Variants in HDHD2 observed in about 807,000 individuals in gnomAD.
The protein encoded by HDHD2 is haloacid dehalogenase like hydrolase domain containing 2.
In HDHD2, 26 loss-of-function variants were observed where a neutral mutation model predicts 24.8. The ratio of observed to expected loss-of-function variants is 1.05; its 90% CI spans 0.77 to 1.45. HDHD2 has a LOEUF of 1.45. Among genes scored for constraint, HDHD2 ranks in the 40% most tolerant of loss-of-function variants. HDHD2 has a pLI of 0.00. For missense variants in HDHD2, 299 were observed against 313.4 expected (o/e 0.95, Z 0.35); for synonymous variants, 128 against 114.9 (o/e 1.11, Z -0.73).
chr18:47,112,051 A>G (rs1256476908), intron 6 of HDHD2, among the ~76,000 whole-genome samples: 14 of 152,212 alleles, frequency 9.2e-5, no homozygotes, highest in Non-Finnish European at 2.9e-5. Context: ...TCTGGCTGTC[A>G]TGTGCTGTTA....
At position 47,115,216 on chromosome 18, in the gene HDHD2, G is replaced by A. The variant is rs757528031; in HGVS notation, c.528C>T (p.Val176=). 8.1e-6 allele frequency: 13 copies of A among 1,613,928 alleles called. No individual in the cohort carries two copies. The highest frequency in any genetic ancestry group is 5.0e-5 in the Admixed American group (3 of 60,018). The change falls in exon 5 of 7, where the codon GTC becomes GTT. Residue 176 remains valine, a synonymous_variant. Transcript: ENST00000300605. ...LEYATDTKAT[V]VGKPEKTFFL... ...AGAACGTCTTCTCTGGTTTCCCCAC[G>A]ACTGTGGCTTTGGTATCTGTGGCAT...
At chr18:47,121,828 A>G (rs928807844) in intron 4 of HDHD2, among the ~76,000 whole-genome samples, 1 of 152,086 alleles carries the variant, frequency 6.6e-6, no homozygotes, top group Non-Finnish European at 1.5e-5. Flanking sequence ...TTCAGCCCCC[A>G]TATGGTGCCC....
intron 4 of HDHD2, among the ~76,000 whole-genome samples, chr18:47,124,726 A>C (rs1398284899): frequency 6.6e-6 from 1 of 151,396 alleles, no homozygotes. Context: ...AAAAAAAAAA[A>C]AACAACTTTG....
intron 1 of HDHD2, among the ~76,000 whole-genome samples, chr18:47,143,315 G>A (rs889550680): frequency 2.0e-5 from 3 of 152,154 alleles, no homozygotes; most frequent in African/African-American, 7.2e-5. Flanking sequence ...AAGTAGCCAA[G>A]CATGGTGGCG....
At chr18:47,147,391 T>A (rs2063882429) in intron 1 of HDHD2, among the ~76,000 whole-genome samples, 1 of 152,190 alleles carries the variant, frequency 6.6e-6, no homozygotes, top group Non-Finnish European at 1.5e-5. Flanking sequence ...ATTACCTCCC[T>A]GAGACAGAAA....
chr18:47,147,436 G>A (rs1164733028), intron 1 of HDHD2, among the ~76,000 whole-genome samples: 2 of 152,192 alleles, frequency 1.3e-5, no homozygotes, highest in African/African-American at 4.8e-5. Context: ...ACCGTTCCTA[G>A]GGATTCCATT....
intron 3 of HDHD2, 107 bp downstream of exon 3, chr18:47,134,389 A>G: frequency 1.2e-6 from 1 of 832,746 alleles, no homozygotes. Context: ...CAAATATTTC[A>G]AGAAAAACGG....
chr18:47,136,557 T>A (rs1202267041), intron 1 of HDHD2, 108 bp from the exon 2 acceptor site: 1 of 787,354 alleles, frequency 1.3e-6, no homozygotes, highest in Admixed American at 3.6e-5. Flanking sequence ...TCCTGCTTAG[T>A]GTTAAGCTGC....
chr18:47,113,185 A>C, intron 5 of HDHD2, 145 bp from the exon 6 acceptor site: 1 of 701,960 alleles, frequency 1.4e-6, no homozygotes, highest in South Asian at 1.7e-5. Context: ...TAAAAGGTGA[A>C]TCCACATGTA....
chr18:47,139,490 A>G (rs1456394293), intron 1 of HDHD2, among the ~76,000 whole-genome samples: 1 of 150,648 alleles, frequency 6.6e-6, no homozygotes, highest in Non-Finnish European at 1.5e-5. Context: ...AAAAAAAAAA[A>G]AATCCTTTGT....
At chr18:47,121,277 C>T (rs1300752482) in intron 4 of HDHD2, among the ~76,000 whole-genome samples, 2 of 152,122 alleles carry the variant, frequency 1.3e-5, no homozygotes, top group Non-Finnish European at 2.9e-5. Context: ...ATATGTCCAA[C>T]GTCAAACTGG....
rs143977718 is a variant in HDHD2 at position 47,126,134 on chromosome 18, T to C, written c.395+4110A>G. On this transcript the variant is annotated intron_variant, in intron 4 of 6. Coordinates refer to ENST00000300605, the MANE Select transcript of HDHD2 (RefSeq NM_032124.5). ...ATTTCTCACCTCCAAAGTAGTATTTTAGAGTCTGGACTTTAATTAAGAACA... is the reference window on the plus strand; with the variant it reads ...ATTTCTCACCTCCAAAGTAGTATTTCAGAGTCTGGACTTTAATTAAGAACA... Among the ~76,000 whole-genome samples, 50 of 152,360 alleles carry C rather than the reference T, an allele frequency of 3.3e-4. 1 individual carries two copies. Among genetic ancestry groups the C allele is most frequent in the African/African-American group, 1.2e-3 (50 of 41,594 alleles).
intron 4 of HDHD2, among the ~76,000 whole-genome samples, chr18:47,116,343 A>C (rs1325971066): frequency 1.3e-5 from 2 of 152,234 alleles, no homozygotes; most frequent in Non-Finnish European, 2.9e-5. Flanking sequence ...TAAAATATTT[A>C]GTATGTCCAT....
At chr18:47,114,351 G>A (rs1429188376) in intron 5 of HDHD2, among the ~76,000 whole-genome samples, 1 of 152,174 alleles carries the variant, frequency 6.6e-6, no homozygotes, top group Admixed American at 6.5e-5. Context: ...GGGAATTCAG[G>A]CTTGGTGATT....
chr18:47,140,944 C>G (rs2063814462), intron 1 of HDHD2, among the ~76,000 whole-genome samples: 1 of 151,958 alleles, frequency 6.6e-6, no homozygotes, highest in Non-Finnish European at 1.5e-5. Flanking sequence ...AATTACCAAC[C>G]ACAAGTGATA....
chr18:47,145,413 T>C (rs1379927642), intron 1 of HDHD2, among the ~76,000 whole-genome samples: 1 of 152,230 alleles, frequency 6.6e-6, no homozygotes, highest in Non-Finnish European at 1.5e-5. Flanking sequence ...GGTGTGGTAT[T>C]AGTACATATG....
At chr18:47,117,862 C>CT (rs1870651853) in intron 4 of HDHD2, among the ~76,000 whole-genome samples, 1 of 151,802 alleles carries the variant, frequency 6.6e-6, no homozygotes, top group Non-Finnish European at 1.5e-5. Flanking sequence ...TATTGTGATA[C>CT]TTATTTTATT....
intron 1 of HDHD2, among the ~76,000 whole-genome samples, chr18:47,148,111 C>G (rs1238456539): frequency 6.6e-6 from 1 of 152,102 alleles, no homozygotes; most frequent in African/African-American, 2.4e-5. Flanking sequence ...CCACCTCCGC[C>G]TCCCAAGTAG....
rs147000827 is a variant in HDHD2 at position 47,136,359 on chromosome 18, G to A, written c.81C>T (p.Gly27=). The A allele has an allele frequency of 7.8e-5, 126 of 1,613,020 alleles. No individual in the cohort carries two copies. Among genetic ancestry groups the A allele is most frequent in the Non-Finnish European group, 9.5e-5 (112 of 1,179,630 alleles). The change falls in exon 2 of 7, where the codon GGC becomes GGT. Residue 27 remains glycine, a synonymous_variant. Transcript: ENST00000300605. The part of the protein sequence containing the change: ...TLHIEDAAVP[G]AQEALKRLRG... The stretch of plus-strand genomic sequence containing the variant: ...CTTGCCTTTTAAGAGCTTCCTGTGC[G>A]CCTGGCACAGCTGCATCTTCAATGT...
Sources: gnomAD v4.1 joint callset for allele counts (sites outside exome capture counted in the v4.1 genomes callset) on GRCh38, gnomAD v4.1.1 for gene constraint, MANE v1.5 for transcripts, NCBI Gene and HGNC (gene_info 2026-07-23, HGNC 2026-07-21) for gene names.